CERKL: variants seen among roughly 807,000 people sequenced by gnomAD.
CERKL encodes the protein ceramide kinase-like protein.
A neutral mutation model predicts 63.4 loss-of-function variants in CERKL; 61 were observed. The observed-to-expected ratio is 0.96, with a 90% CI of 0.78 to 1.19. CERKL has a LOEUF of 1.19. Among genes scored for constraint, CERKL ranks in the 50% most tolerant of loss-of-function variants. The pLI is 0.00. For synonymous variants in CERKL, 250 were observed against 230.5 expected (o/e 1.08, Z -0.77); for missense variants, 675 against 655.5 (o/e 1.03, Z -0.33).
At chr2:181,548,376 T>C (rs551204913) in intron 8 of CERKL, 169 bp downstream of exon 8, 2 of 619,230 alleles carry the variant, frequency 3.2e-6, no homozygotes, top group Non-Finnish European at 5.7e-6. Context: ...AGAAAAAGGC[T>C]GAGTGAGTAG....
Position 181,537,853 on chromosome 2 carries a change from CG to C in CERKL, c.*330del, listed in dbSNP as rs1687245667. On this transcript the variant is annotated 3_prime_UTR_variant, in exon 13 of 13. Coordinates refer to ENST00000410087, the MANE Select transcript of CERKL (RefSeq NM_201548.5). The stretch of plus-strand genomic sequence containing the variant: ...TAACATCAATTTCTATTAGGATATC[CG>C]TTTGGCCACACAGCAGGAGGTTAGA... 2 of 506,674 alleles carry C rather than the reference CG, an allele frequency of 3.9e-6. No homozygotes were observed. The highest frequency in any genetic ancestry group is 7.6e-6 in the Non-Finnish European group (2 of 261,740). 31.4% of individuals were successfully genotyped at this position (506,674 alleles called of 1,614,324 possible).
At chr2:181,597,248 G>T (rs1363594212) in intron 2 of CERKL, among the ~76,000 whole-genome samples, 1 of 152,072 alleles carries the variant, frequency 6.6e-6, no homozygotes. Flanking sequence ...TATATTTTCA[G>T]TTACAATTCT....
rs373960125 is a variant in CERKL, at chr2:181,550,012, A to G, written c.821-304T>C. The stretch of plus-strand genomic sequence containing the variant: ...ATTTTCTACCTCCCAAATGCTAGCT[A>G]TATCAAAGCCCACTCCATCCCAACC... On this transcript the variant is annotated intron_variant, in intron 5 of 12. Coordinates refer to ENST00000410087, the MANE Select transcript of CERKL (RefSeq NM_201548.5). The surrounding 1 kb of genome is among the most constrained non-coding windows in gnomAD (Gnocchi z 4.5). Among the ~76,000 whole-genome samples, 12 of 152,266 alleles carry G rather than the reference A, an allele frequency of 7.9e-5. No individual in the cohort carries two copies. Among genetic ancestry groups the G allele is most frequent in the African/African-American group, 2.6e-4 (11 of 41,572 alleles).
intron 1 of CERKL, among the ~76,000 whole-genome samples, chr2:181,608,522 C>G (rs1685818167): frequency 6.6e-6 from 1 of 152,106 alleles, no homozygotes; most frequent in Non-Finnish European, 1.5e-5. Context: ...AAGTCCTGTA[C>G]TTCAGTCTGA....
intron 2 of CERKL, among the ~76,000 whole-genome samples, chr2:181,579,060 T>G (rs1390554472): frequency 1.3e-5 from 2 of 152,120 alleles, no homozygotes; most frequent in South Asian, 2.1e-4. Context: ...AAATCTTCAC[T>G]CTGTCATTTA....
chr2:181,563,643 A>C (rs1469616611), intron 4 of CERKL, among the ~76,000 whole-genome samples: 1 of 152,080 alleles, frequency 6.6e-6, no homozygotes, highest in Non-Finnish European at 1.5e-5. Flanking sequence ...AATTTCCCCC[A>C]AAATTTTCCT....
intron 1 of CERKL, 142 bp from the exon 2 acceptor site, chr2:181,604,221 T>A (rs143146502): frequency 3.1e-6 from 2 of 641,996 alleles, no homozygotes; most frequent in African/African-American, 3.7e-5. Flanking sequence ...GCTTAATACC[T>A]GGGTGATGAA....
chr2:181,594,507 G>T (rs774822519), intron 2 of CERKL, among the ~76,000 whole-genome samples: 11 of 152,226 alleles, frequency 7.2e-5, no homozygotes, highest in Non-Finnish European at 1.2e-4. Flanking sequence ...TAATTAGCAA[G>T]TGGGAAGGCA....
At chr2:181,572,076 G>A (rs1479322962) in intron 3 of CERKL, among the ~76,000 whole-genome samples, 1 of 152,052 alleles carries the variant, frequency 6.6e-6, no homozygotes, top group African/African-American at 2.4e-5. Context: ...ATGTATGGGT[G>A]TAACACACAT....
intron 1 of CERKL, among the ~76,000 whole-genome samples, chr2:181,642,087 A>C (rs1357283864): frequency 6.6e-6 from 1 of 152,240 alleles, no homozygotes; most frequent in Non-Finnish European, 1.5e-5. Context: ...CATCTTAAAA[A>C]TTTCCTCAAA....
intron 11 of CERKL, among the ~76,000 whole-genome samples, chr2:181,543,678 C>T (rs1221058377): frequency 6.6e-6 from 1 of 152,110 alleles, no homozygotes; most frequent in Non-Finnish European, 1.5e-5. Context: ...ATCCAAGCAC[C>T]ATTTTATACC....
intron 2 of CERKL, among the ~76,000 whole-genome samples, chr2:181,594,567 G>A (rs573226490): frequency 1.3e-5 from 2 of 152,320 alleles, no homozygotes; most frequent in South Asian, 4.1e-4. Context: ...GAAGGGCCCA[G>A]GAACCTGACC....
At chr2:181,589,821 T>C (rs1684914676) in intron 2 of CERKL, among the ~76,000 whole-genome samples, 1 of 151,860 alleles carries the variant, frequency 6.6e-6, no homozygotes, top group South Asian at 2.1e-4. Flanking sequence ...CCACAAAAGG[T>C]ATGTATGTAT....
At chr2:181,564,448 T>C (rs1688579071) in intron 4 of CERKL, among the ~76,000 whole-genome samples, 1 of 152,066 alleles carries the variant, frequency 6.6e-6, no homozygotes, top group South Asian at 2.1e-4. Flanking sequence ...AACTGAAAAA[T>C]CTATACATCT....
chr2:181,565,624 T>G, intron 4 of CERKL: 1 of 879,432 alleles, frequency 1.1e-6, no homozygotes, highest in Non-Finnish European at 1.8e-6. Context: ...ATATCTTCCC[T>G]CAATCTATCA....
In CERKL at chr2:181,634,680, A is replaced by G. The variant is rs137947432; in HGVS notation, c.238+22089T>C. Among the ~76,000 whole-genome samples the G allele has an allele frequency of 1.8e-3, 271 of 152,272 alleles. 6 individuals are homozygous for G. The East Asian group carries it at 0.042, about 24-fold the overall frequency. ...TCTGATTTATCCAGTCTACTCAAGA[A>G]TAATGAAAAAGATCATTGTTATTCT... On this transcript the variant is annotated intron_variant, in intron 1 of 12. Transcript: ENST00000410087.
At position 181,548,738 on chromosome 2, in the gene CERKL, A is replaced by G. The variant is rs755223434; in HGVS notation, c.1015T>C (p.Trp339Arg). 1 of 1,614,040 alleles carries G rather than the reference A, an allele frequency of 6.2e-7. No homozygotes were observed. Among genetic ancestry groups the G allele is most frequent in the Non-Finnish European group, 8.5e-7 (1 of 1,179,938 alleles). ...TCTCTCCGTTGGTTAGGGGACATCC[A>G]TCGATATTTTTCTGCCAGAGCCAAA... The part of the protein sequence containing the change: ...RTLALAEKYR[W>R]MSPNQRRDFA... The change falls in exon 7 of 13, where the codon TGG becomes CGG. Residue 339 changes from tryptophan to arginine, a missense_variant. Transcript: ENST00000410087.
intron 2 of CERKL, among the ~76,000 whole-genome samples, chr2:181,586,521 G>C (rs1684775685): frequency 6.6e-6 from 1 of 152,168 alleles, no homozygotes; most frequent in Non-Finnish European, 1.5e-5. Flanking sequence ...CCCCCAAGTA[G>C]ACAATCCAAG....
intron 11 of CERKL, among the ~76,000 whole-genome samples, chr2:181,542,408 A>G (rs1054182913): frequency 2.6e-5 from 4 of 152,236 alleles, no homozygotes; most frequent in Admixed American, 1.3e-4. Flanking sequence ...CAGCACTGCT[A>G]TGAATTATGC....
Sources: allele counts gnomAD v4.1 joint callset (sites outside exome capture counted in the v4.1 genomes callset), GRCh38; gene constraint gnomAD v4.1.1; non-coding constraint Gnocchi (gnomAD v3.1); transcripts MANE v1.5; gene names NCBI Gene and HGNC (gene_info 2026-07-23, HGNC 2026-07-21).